The following CCNJL variants were observed in gnomAD, a reference collection of about 807,000 sequenced individuals.
The protein encoded by CCNJL is cyclin J like, also known as cyclin-J-like protein.
Under a neutral mutation model 33.4 loss-of-function variants are expected in CCNJL, and 33 were observed. The ratio of observed to expected loss-of-function variants is 0.99; its 90% CI spans 0.75 to 1.32. The LOEUF (loss-of-function observed/expected upper bound fraction) is 1.32, where lower values mean the gene tolerates loss of function less well. Ranked by LOEUF, CCNJL falls within the 40% of genes most tolerant of loss-of-function variation. The pLI, the probability that CCNJL is intolerant of heterozygous loss-of-function variation, is 0.00. For synonymous variants in CCNJL, 227 were observed against 220.9 expected (o/e 1.03, Z -0.24); for missense variants, 512 against 499.7 (o/e 1.02, Z -0.23).
rs1213018112 is a variant in CCNJL at position 160,249,495 on chromosome 5, G to A, written c.*3883C>T. Reference sequence around the variant, plus strand: ...AAAACAAGCTGGACCAGGCGTAGTGGCTTATACCTGTAATCTCAGCACTTT... The same window carrying A: ...AAAACAAGCTGGACCAGGCGTAGTGACTTATACCTGTAATCTCAGCACTTT... On this transcript the variant is annotated 3_prime_UTR_variant, in exon 6 of 6. Transcript: ENST00000257536. The A allele has an allele frequency of 1.3e-5, 2 of 152,148 alleles. No individual in the cohort carries two copies. The highest frequency in any genetic ancestry group is 2.9e-5 in the Non-Finnish European group (2 of 68,032). 9.4% of individuals were successfully genotyped at this position (152,148 alleles called of 1,614,324 possible).
chr5:160,254,452 C>A, intron 5 of CCNJL: 1 of 499,092 alleles, frequency 2.0e-6, no homozygotes. Flanking sequence ...GCTTTGGGGA[C>A]CTTCTCAAAA....
chr5:160,254,927 C>T (rs757746369), intron 5 of CCNJL: 1 of 152,122 alleles, frequency 6.6e-6, no homozygotes, highest in Non-Finnish European at 1.5e-5. Flanking sequence ...TCCTTCAATG[C>T]GATTATCTAT....
Position 160,250,901 on chromosome 5 carries a change from C to T in CCNJL, c.*2477G>A, listed in dbSNP as rs1321761185. ...ATGTTATTTAATCCTCTTAAGAACCCTATGAGGCAAGGTGTTATCACTCCC... is the reference window on the plus strand; with the variant it reads ...ATGTTATTTAATCCTCTTAAGAACCTTATGAGGCAAGGTGTTATCACTCCC... On this transcript the variant is annotated 3_prime_UTR_variant, in exon 6 of 6. Coordinates refer to ENST00000257536, the MANE Select transcript of CCNJL (RefSeq NM_001308173.3). 6.6e-6 allele frequency: 1 copy of T among 152,084 alleles called. No homozygotes were observed. The highest frequency in any genetic ancestry group is 1.9e-4 in the East Asian group (1 of 5,194). The allele number at this position is 152,084 out of a possible 1,614,324, so 9.4% of individuals were successfully genotyped here. A position where few individuals can be genotyped will look rare whatever the true frequency, so the allele number is the denominator to read the frequency against.
Position 160,251,782 on chromosome 5 carries a change from T to G in CCNJL, c.*1596A>C, listed in dbSNP as rs961471711. Reference sequence around the variant, plus strand: ...ATACAAGAACTTGAATCCAAACTGCTTGCACATAAATAGAACGGAGGTTGG... The same window carrying G: ...ATACAAGAACTTGAATCCAAACTGCGTGCACATAAATAGAACGGAGGTTGG... On this transcript the variant is annotated 3_prime_UTR_variant, in exon 6 of 6. Coordinates refer to ENST00000257536, the MANE Select transcript of CCNJL (RefSeq NM_001308173.3). The G allele has an allele frequency of 6.6e-6, 1 of 152,122 alleles. No individual in the cohort carries two copies. Among genetic ancestry groups the G allele is most frequent in the Non-Finnish European group, 1.5e-5 (1 of 68,040 alleles). 9.4% of individuals were successfully genotyped at this position (152,122 alleles called of 1,614,324 possible).
At chr5:160,265,516 T>TA (rs1761541838) in intron 3 of CCNJL, among the ~76,000 whole-genome samples, 1 of 152,070 alleles carries the variant, frequency 6.6e-6, no homozygotes, top group Admixed American at 6.6e-5. Context: ...TGTGCGCCTG[T>TA]AGTCCCAGCT....
chr5:160,308,286 T>C (rs1026848278), intron 2 of CCNJL, among the ~76,000 whole-genome samples: 2 of 152,206 alleles, frequency 1.3e-5, no homozygotes, highest in Non-Finnish European at 2.9e-5. Context: ...TGTAAAACGT[T>C]TCTCCCAGCT....
At chr5:160,328,127 G>A (rs1373468727) in intron 1 of CCNJL, among the ~76,000 whole-genome samples, 1 of 152,304 alleles carries the variant, frequency 6.6e-6, no homozygotes, top group Admixed American at 6.5e-5. Context: ...CAGCGAACCT[G>A]GAATTTAGTG....
At chr5:160,320,827 TTC>T (rs1365491820) in intron 1 of CCNJL, among the ~76,000 whole-genome samples, 1 of 122,290 alleles carries the variant, frequency 8.2e-6, no homozygotes, top group East Asian at 2.4e-4. Context: ...CTTTCTTTCT[TTC>T]TTTCTTTCTT....
chr5:160,271,039 A>C (rs1196201301), intron 3 of CCNJL, among the ~76,000 whole-genome samples: 1 of 152,226 alleles, frequency 6.6e-6, no homozygotes, highest in Non-Finnish European at 1.5e-5. Context: ...ATTAAAATTA[A>C]GATTTAGGAG....
At chr5:160,268,613 G>A (rs537738154) in intron 3 of CCNJL, among the ~76,000 whole-genome samples, 8 of 152,328 alleles carry the variant, frequency 5.3e-5, no homozygotes, top group Admixed American at 2.6e-4. Context: ...CTGTAAGAGG[G>A]TGCTTCAGTG....
At chr5:160,278,282 G>A (rs1762085851) in intron 3 of CCNJL, among the ~76,000 whole-genome samples, 1 of 152,096 alleles carries the variant, frequency 6.6e-6, no homozygotes, top group Non-Finnish European at 1.5e-5. Flanking sequence ...TTATAGGTGT[G>A]AGCCACCGCG....
chr5:160,336,939 T>A (rs1214704131), intron 1 of CCNJL, among the ~76,000 whole-genome samples: 1 of 151,630 alleles, frequency 6.6e-6, no homozygotes, highest in East Asian at 1.9e-4. Context: ...CAAGCTCCCA[T>A]CATCCCTTGC....
At chr5:160,275,349 G>C (rs1761975647) in intron 3 of CCNJL, among the ~76,000 whole-genome samples, 1 of 152,174 alleles carries the variant, frequency 6.6e-6, no homozygotes, top group Non-Finnish European at 1.5e-5. Context: ...GCCTCCTAAA[G>C]TGCTGGGGTA....
At chr5:160,325,916 C>T (rs930525749) in intron 1 of CCNJL, among the ~76,000 whole-genome samples, 1 of 152,098 alleles carries the variant, frequency 6.6e-6, no homozygotes, top group Non-Finnish European at 1.5e-5. Flanking sequence ...GGATGCTTTC[C>T]TTTTACTGTG....
At chr5:160,290,483 G>T (rs2113387406) in intron 2 of CCNJL, among the ~76,000 whole-genome samples, 1 of 152,134 alleles carries the variant, frequency 6.6e-6, no homozygotes, top group South Asian at 2.1e-4. Context: ...GGCCAGGCTG[G>T]TCTCGAACTC....
chr5:160,280,644 T>A lies in CCNJL; in HGVS notation c.161A>T (p.Gln54Leu). The change falls in exon 3 of 6, where the codon CAG becomes CTG. Residue 54 changes from glutamine (Q) to leucine (L), a missense_variant. Transcript: ENST00000257536. ...DILTLLSSHCQLCPAARHLAV... is the reference protein window; with the variant it reads ...DILTLLSSHCLLCPAARHLAV... The stretch of plus-strand genomic sequence containing the variant: ...CAGGTGCCGGGCTGCAGGGCAGAGC[T>A]GGCAGTGGCTGCTCAGCAGGGTCAG... The A allele has an allele frequency of 6.2e-7, 1 of 1,613,404 alleles. No homozygotes were observed. The highest frequency in any genetic ancestry group is 8.5e-7 in the Non-Finnish European group (1 of 1,179,788).
At chr5:160,296,200 C>T (rs1439534797) in intron 2 of CCNJL, among the ~76,000 whole-genome samples, 1 of 152,204 alleles carries the variant, frequency 6.6e-6, no homozygotes, top group East Asian at 1.9e-4. Flanking sequence ...TCTGAAGCAA[C>T]TTTAATAATC....
At chr5:160,274,347 T>C (rs914880831) in intron 3 of CCNJL, among the ~76,000 whole-genome samples, 2 of 151,878 alleles carry the variant, frequency 1.3e-5, no homozygotes, top group African/African-American at 4.8e-5. Flanking sequence ...TAATCCCAGC[T>C]ACTCAGGAGG....
chr5:160,252,783 C>T lies in CCNJL; in HGVS notation c.*595G>A, dbSNP rs1231090606. 1 of 152,736 alleles carries T rather than the reference C, an allele frequency of 6.5e-6. No homozygotes were observed. The highest frequency in any genetic ancestry group is 1.5e-5 in the Non-Finnish European group (1 of 68,118). The allele number at this position is 152,736 out of a possible 1,614,324, so 9.5% of individuals were successfully genotyped here. A position where few individuals can be genotyped will look rare whatever the true frequency, so the allele number is the denominator to read the frequency against. Reference sequence around the variant, plus strand: ...AAGACCACTTCGGGAAGCAGCAGCACATGACATATCTAAAAGGCTGAAAAT... The same window carrying T: ...AAGACCACTTCGGGAAGCAGCAGCATATGACATATCTAAAAGGCTGAAAAT... On this transcript the variant is annotated 3_prime_UTR_variant, in exon 6 of 6. Coordinates refer to ENST00000257536, the MANE Select transcript of CCNJL (RefSeq NM_001308173.3).
Sources: gnomAD v4.1 joint callset for allele counts (sites outside exome capture counted in the v4.1 genomes callset) on GRCh38, gnomAD v4.1.1 for gene constraint, MANE v1.5 for transcripts, NCBI Gene and HGNC (gene_info 2026-07-23, HGNC 2026-07-21) for gene names.